The following GLRA3 variants were observed in gnomAD, a reference collection of about 807,000 sequenced individuals.
GLRA3 encodes the protein glycine receptor alpha 3.
Under a neutral mutation model 60.4 loss-of-function variants are expected in GLRA3, and 44 were observed. The observed-to-expected ratio is 0.73, with a 90% CI of 0.57 to 0.94. GLRA3 has a LOEUF of 0.94. GLRA3 is among the 40% of genes least tolerant of loss of function. GLRA3 has a pLI of 0.00. For missense variants in GLRA3, 508 were observed against 564.6 expected, an observed-to-expected ratio of 0.90 and a Z score of 1.02; for synonymous variants, 223 against 192.9, an observed-to-expected ratio of 1.16 and a Z score of -1.29.
At chr4:174,671,061 T>C (rs1733887215) in intron 7 of GLRA3, among the ~76,000 whole-genome samples, 1 of 152,098 alleles carries the variant, frequency 6.6e-6, no homozygotes, top group Non-Finnish European at 1.5e-5. Flanking sequence ...GTATGATCCA[T>C]GAACATTTAA....
chr4:174,825,018 A>G (rs1274018941), intron 1 of GLRA3, among the ~76,000 whole-genome samples: 1 of 152,148 alleles, frequency 6.6e-6, no homozygotes, highest in Admixed American at 6.5e-5. Flanking sequence ...AAGAAAAACT[A>G]TATAGAAGAG....
intron 1 of GLRA3, among the ~76,000 whole-genome samples, chr4:174,792,157 A>G (rs1739372496): frequency 6.6e-6 from 1 of 152,296 alleles, no homozygotes; most frequent in South Asian, 2.1e-4. Context: ...TTTCCTGAGC[A>G]TGCACACAAC....
intron 7 of GLRA3, among the ~76,000 whole-genome samples, chr4:174,673,140 T>A (rs1733975182): frequency 6.6e-6 from 1 of 152,042 alleles, no homozygotes; most frequent in South Asian, 2.1e-4. Context: ...CTAATAGGAA[T>A]TAATTGATTG....
chr4:174,753,306 T>C (rs1737559659), intron 3 of GLRA3, among the ~76,000 whole-genome samples: 1 of 152,144 alleles, frequency 6.6e-6, no homozygotes, highest in African/African-American at 2.4e-5. Context: ...GTTTGAACGG[T>C]CCAGAGAGCT....
At position 174,643,694 on chromosome 4, in the gene GLRA3, T is replaced by C; in HGVS notation, c.*92A>G. The stretch of plus-strand genomic sequence containing the variant: ...CCATTTTAATACAATGGTCATCATT[T>C]GTATACCACACGCACACATATACAC... On this transcript the variant is annotated 3_prime_UTR_variant, in exon 10 of 10. Coordinates refer to ENST00000274093, the MANE Select transcript of GLRA3 (RefSeq NM_006529.4). 1 of 1,482,856 alleles carries C rather than the reference T, an allele frequency of 6.7e-7. No individual in the cohort carries two copies. The allele number at this position is 1,482,856 out of a possible 1,614,324, so 91.9% of individuals were successfully genotyped here.
intron 4 of GLRA3, among the ~76,000 whole-genome samples, chr4:174,726,681 A>G (rs1010365099): frequency 3.3e-5 from 5 of 152,192 alleles, no homozygotes; most frequent in Non-Finnish European, 7.3e-5. Context: ...CAAGGTACAC[A>G]GCCAGCCTGT....
intron 1 of GLRA3, among the ~76,000 whole-genome samples, chr4:174,796,091 T>TA (rs1347900819): frequency 6.6e-6 from 1 of 152,144 alleles, no homozygotes; most frequent in African/African-American, 2.4e-5. Context: ...AAGTTGATGG[T>TA]AATAGGAGTG....
At chr4:174,688,763 A>G (rs148708193) in intron 5 of GLRA3, among the ~76,000 whole-genome samples, 5 of 152,172 alleles carry the variant, frequency 3.3e-5, no homozygotes, top group African/African-American at 1.2e-4. Flanking sequence ...TTGGAGATTT[A>G]AGTTAAGAAT....
chr4:174,695,431 A>C (rs1735013738), intron 5 of GLRA3, among the ~76,000 whole-genome samples: 1 of 152,182 alleles, frequency 6.6e-6, no homozygotes, highest in Non-Finnish European at 1.5e-5. Context: ...AGATTGGTTC[A>C]ACATATGCAA....
At chr4:174,797,399 CTTCTT>C (rs1433738236) in intron 1 of GLRA3, among the ~76,000 whole-genome samples, 1 of 152,206 alleles carries the variant, frequency 6.6e-6, no homozygotes, top group Non-Finnish European at 1.5e-5. Flanking sequence ...ACACTTCACT[CTTCTT>C]TTCTGTGCTG....
At position 174,642,838 on chromosome 4, in the gene GLRA3, T is replaced by C; in HGVS notation, c.*948A>G. 1.3e-6 allele frequency: 1 copy of C among 752,290 alleles called. No homozygotes were observed. The highest frequency in any genetic ancestry group is 1.9e-5 in the African/African-American group (1 of 52,648). 46.6% of individuals were successfully genotyped at this position (752,290 alleles called of 1,614,324 possible). On this transcript the variant is annotated 3_prime_UTR_variant, in exon 10 of 10. Transcript: ENST00000274093. ...TGAATCCATTTTGTTTTCATTGTAT[T>C]CATTTTTATCAAAATGTAAATACTT...
chr4:174,755,378 A>C (rs1406973697), intron 3 of GLRA3, among the ~76,000 whole-genome samples: 2 of 152,144 alleles, frequency 1.3e-5, no homozygotes, highest in Admixed American at 6.5e-5. Context: ...GGCTTTAAAC[A>C]AAATATTAAA....
At chr4:174,740,784 C>G (rs1448490616) in intron 3 of GLRA3, among the ~76,000 whole-genome samples, 2 of 152,214 alleles carry the variant, frequency 1.3e-5, no homozygotes, top group Non-Finnish European at 2.9e-5. Context: ...ACACCTATTC[C>G]CTCAAAGCCA....
rs1179872710 is a variant in GLRA3, at chr4:174,759,695, A to G, written c.267+7268T>C. Among the ~76,000 whole-genome samples, 3 of 152,296 alleles carry G rather than the reference A, an allele frequency of 2.0e-5. 1 individual carries two copies. The highest frequency in any genetic ancestry group is 6.8e-3 in the Middle Eastern group (2 of 294). On this transcript the variant is annotated intron_variant, in intron 3 of 9. Transcript: ENST00000274093. ...TCTAATATAAACTGTACTAAACAAG[A>G]CAACGTGATATCAGTGCAGGCATAG...
At chr4:174,762,769 G>A (rs1309625013) in intron 3 of GLRA3, among the ~76,000 whole-genome samples, 2 of 151,990 alleles carry the variant, frequency 1.3e-5, no homozygotes, top group East Asian at 3.8e-4. Flanking sequence ...ACATACACAA[G>A]TCTGCAGTGT....
rs561813763 is a variant in GLRA3, at chr4:174,820,342, T to C, written c.71+8399A>G. On this transcript the variant is annotated intron_variant, in intron 1 of 9. Transcript: ENST00000274093. ...GTAGTTTTGGTTATGCCTGGAGTTA[T>C]TTATCTGAAATTGTTAATGTGCTTT... is the stretch of plus-strand genomic sequence containing the variant. Among the ~76,000 whole-genome samples the C allele has an allele frequency of 1.8e-4, 27 of 152,294 alleles. 1 individual carries two copies. The South Asian group carries it at 5.6e-3, about 32-fold the overall frequency.
intron 3 of GLRA3, among the ~76,000 whole-genome samples, chr4:174,733,503 CAT>C (rs1471206448): frequency 6.6e-6 from 1 of 152,142 alleles, no homozygotes; most frequent in African/African-American, 2.4e-5. Context: ...TAAACAAACT[CAT>C]AACCTCAGAA....
chr4:174,674,953 T>C (rs78985464), intron 7 of GLRA3, among the ~76,000 whole-genome samples: 35,125 of 152,146 alleles, frequency 0.23, 4,557 homozygotes, highest in South Asian at 0.42. Flanking sequence ...CTCTTTTGAA[T>C]GGTCTCATCC....
intron 5 of GLRA3, among the ~76,000 whole-genome samples, chr4:174,689,861 A>C (rs1227093914): frequency 6.7e-6 from 1 of 148,812 alleles, no homozygotes; most frequent in Non-Finnish European, 1.5e-5. Context: ...AAGTAAAGGG[A>C]TGGAGAAAAA....
Sources: allele counts gnomAD v4.1 joint callset (sites outside exome capture counted in the v4.1 genomes callset), GRCh38; gene constraint gnomAD v4.1.1; transcripts MANE v1.5; gene names NCBI Gene and HGNC (gene_info 2026-07-23, HGNC 2026-07-21).